The following CNBD1 variants were observed in gnomAD, a reference collection of about 807,000 sequenced individuals.
CNBD1 encodes cyclic nucleotide-binding domain-containing protein 1.
A neutral mutation model predicts 54.4 loss-of-function variants in CNBD1; 71 were observed. The observed-to-expected ratio is 1.30, with a 90% confidence interval of 1.08 to 1.59. The LOEUF is 1.59. Ranked by LOEUF, CNBD1 falls within the 40% of genes most tolerant of loss-of-function variation. The pLI, the probability that CNBD1 is intolerant of heterozygous loss-of-function variation, is 0.00. For synonymous variants in CNBD1, 182 were observed against 170.7 expected (o/e 1.07, Z -0.51); for missense variants, 659 against 518.0 (o/e 1.27, Z -2.64).
chr8:86,918,389 A>G (rs143855914), intron 3 of CNBD1, among the ~76,000 whole-genome samples: 1 of 152,272 alleles, frequency 6.6e-6, no homozygotes, highest in African/African-American at 2.4e-5. Context: ...ACAGGTTTAC[A>G]TCTGCTGCTA....
At chr8:87,273,985 T>G (rs1315764604) in intron 6 of CNBD1, among the ~76,000 whole-genome samples, 2 of 145,018 alleles carry the variant, frequency 1.4e-5, no homozygotes. Flanking sequence ...GTGTTCTCAT[T>G]GTTCAATTCC....
intron 10 of CNBD1, among the ~76,000 whole-genome samples, chr8:87,366,965 T>C (rs997747398): frequency 1.1e-4 from 17 of 152,032 alleles, no homozygotes; most frequent in African/African-American, 4.1e-4. Flanking sequence ...TATTGGGGAA[T>C]ATTTGCCTGT....
At chr8:86,867,528 A>G (rs1808382411) in intron 1 of CNBD1, among the ~76,000 whole-genome samples, 1 of 152,206 alleles carries the variant, frequency 6.6e-6, no homozygotes, top group Admixed American at 6.5e-5. Context: ...TACTCCTTGA[A>G]GGGGTACACT....
At position 87,284,825 on chromosome 8, in the gene CNBD1, T is replaced by C; in HGVS notation, c.909+10T>C. ...TGCAAAGATAAAGGAGGTAAGATGA[T>C]ATCTAATATTTTATATAAACAAAAA... On this transcript the variant is annotated intron_variant, in intron 7 of 10. Coordinates refer to ENST00000518476, the MANE Select transcript of CNBD1 (RefSeq NM_173538.3). 3 of 1,545,896 alleles carry C rather than the reference T, an allele frequency of 1.9e-6. No homozygotes were observed. Among genetic ancestry groups the C allele is most frequent in the Non-Finnish European group, 2.6e-6 (3 of 1,145,498 alleles).
intron 5 of CNBD1, among the ~76,000 whole-genome samples, chr8:87,222,506 T>A (rs1220054453): frequency 2.6e-5 from 4 of 152,046 alleles, no homozygotes; most frequent in Non-Finnish European, 4.4e-5. Context: ...AGGGCTGAGG[T>A]CAGAAAAGGC....
chr8:87,427,920 C>T (rs1308837093), intron 2 of CNBD1, among the ~76,000 whole-genome samples: 1 of 152,106 alleles, frequency 6.6e-6, no homozygotes, highest in Non-Finnish European at 1.5e-5. Context: ...TCTCCTGGAT[C>T]ACAGACCTTC....
intron 4 of CNBD1, among the ~76,000 whole-genome samples, chr8:86,960,102 C>A (rs1228983624): frequency 6.6e-6 from 1 of 152,112 alleles, no homozygotes; most frequent in African/African-American, 2.4e-5. Context: ...TGTGCATTTC[C>A]AACTGAGGTA....
intron 8 of CNBD1, among the ~76,000 whole-genome samples, chr8:87,331,778 C>T (rs995091214): frequency 6.6e-6 from 1 of 152,172 alleles, no homozygotes; most frequent in Non-Finnish European, 1.5e-5. Context: ...AGTGGTATCT[C>T]ACTGTGGTTT....
At chr8:87,037,457 T>C (rs73281223) in intron 4 of CNBD1, among the ~76,000 whole-genome samples, 4,586 of 152,216 alleles carry the variant, frequency 0.03, 239 homozygotes, top group African/African-American at 0.1. Context: ...AGCATTAGCA[T>C]TCTTCTTCTG....
At chr8:87,390,631 G>T (rs140805156) in intron 2 of CNBD1, among the ~76,000 whole-genome samples, 1 of 152,000 alleles carries the variant, frequency 6.6e-6, no homozygotes, top group Non-Finnish European at 1.5e-5. Context: ...GAACACTTTT[G>T]CACTGTTGGT....
At chr8:87,408,179 A>T (rs542722573) in intron 2 of CNBD1, among the ~76,000 whole-genome samples, 3 of 152,016 alleles carry the variant, frequency 2.0e-5, no homozygotes, top group Admixed American at 2.0e-4. Context: ...TTACCTCCTC[A>T]AACATTGCTT....
chr8:87,344,869 G>A (rs912264728), intron 8 of CNBD1, among the ~76,000 whole-genome samples: 1 of 152,092 alleles, frequency 6.6e-6, no homozygotes, highest in South Asian at 2.1e-4. Context: ...TAGTTAGGCA[G>A]TGTTAGGATG....
intron 6 of CNBD1, among the ~76,000 whole-genome samples, chr8:87,274,070 T>G (rs1416285399): frequency 1.3e-5 from 2 of 152,046 alleles, no homozygotes; most frequent in Non-Finnish European, 2.9e-5. Flanking sequence ...GATTTCCAAT[T>G]TCATCCATGT....
chr8:87,391,283 G>T (rs1811304779), intron 2 of CNBD1, among the ~76,000 whole-genome samples: 1 of 151,806 alleles, frequency 6.6e-6, no homozygotes, highest in Non-Finnish European at 1.5e-5. Context: ...AACGATTGCA[G>T]ATACCTCAAA....
At chr8:87,416,526 A>C (rs1328501021) in intron 2 of CNBD1, among the ~76,000 whole-genome samples, 1 of 152,026 alleles carries the variant, frequency 6.6e-6, no homozygotes, top group Admixed American at 6.6e-5. Flanking sequence ...GAAGTGTGAC[A>C]GTCACTGGAA....
chr8:87,407,322 G>A (rs1807668238), intron 2 of CNBD1, among the ~76,000 whole-genome samples: 5 of 151,974 alleles, frequency 3.3e-5, no homozygotes. Context: ...ATTCATCCAT[G>A]TTACTTATGT....
chr8:87,298,872 T>C (rs1304203829), intron 8 of CNBD1, among the ~76,000 whole-genome samples: 1 of 152,198 alleles, frequency 6.6e-6, no homozygotes, highest in East Asian at 1.9e-4. Flanking sequence ...TGTCAGCTAC[T>C]TTCTAGTTAC....
chr8:87,377,435 GAA>G (rs1810972470), intron 10 of CNBD1, among the ~76,000 whole-genome samples: 1 of 151,726 alleles, frequency 6.6e-6, no homozygotes, highest in Non-Finnish European at 1.5e-5. Context: ...AGTTTATTGA[GAA>G]TGATGATTTC....
intron 2 of CNBD1, among the ~76,000 whole-genome samples, chr8:86,896,145 A>AC (rs1261079001): frequency 6.6e-6 from 1 of 151,922 alleles, no homozygotes; most frequent in Admixed American, 6.6e-5. Flanking sequence ...AACATAAAGG[A>AC]CCCCAAATAG....
Sources: gnomAD v4.1 joint callset for allele counts (sites outside exome capture counted in the v4.1 genomes callset) on GRCh38, gnomAD v4.1.1 for gene constraint, MANE v1.5 for transcripts, NCBI Gene and HGNC (gene_info 2026-07-23, HGNC 2026-07-21) for gene names.